RPS6KA4: variants seen among roughly 807,000 people sequenced by gnomAD.
RPS6KA4 encodes the protein ribosomal protein S6 kinase alpha-4.
A neutral mutation model predicts 89.6 loss-of-function variants in RPS6KA4; 38 were observed. That is an observed-to-expected ratio of 0.42 (90% confidence interval 0.33 to 0.56). The LOEUF (loss-of-function observed/expected upper bound fraction) is 0.56. Ranked by LOEUF, RPS6KA4 falls within the 20% of genes least tolerant of loss-of-function variation. The pLI is 0.07. For missense variants in RPS6KA4, 873 were observed against 1,098.8 expected (o/e 0.79, Z 2.90); for synonymous variants, 495 against 492.8 (o/e 1.00, Z -0.06).
In RPS6KA4 at chr11:64,361,853, C is replaced by G. The variant is rs376604355; in HGVS notation, c.757C>G (p.Arg253Gly). 1 of 1,611,600 alleles carries G rather than the reference C, an allele frequency of 6.2e-7. No individual in the cohort carries two copies. ...ERNTQAEVSR[R>G]ILKCSPPFPP... ...CTGACACCCCCCCAATCCTCCCAGA[C>G]GGATCCTGAAGTGCTCCCCTCCCTT... Residue 253 changes from arginine (R) to glycine (G), a missense_variant and splice_region_variant, in exon 8 of 17, where the codon CGG becomes GGG. Arg to Gly is a moderately radical substitution (Grantham distance 125, BLOSUM62 -2). Coordinates refer to ENST00000334205, the MANE Select transcript of RPS6KA4 (RefSeq NM_003942.3). The surrounding 1 kb of genome is among the most constrained non-coding windows in gnomAD (Gnocchi z 4.7).
At position 64,360,214 on chromosome 11, in the gene RPS6KA4, A is replaced by G; in HGVS notation, c.179A>G (p.Lys60Arg). 1 of 1,548,318 alleles carries G rather than the reference A, an allele frequency of 6.5e-7. No homozygotes were observed. The highest frequency in any genetic ancestry group is 8.7e-7 in the Non-Finnish European group (1 of 1,146,934). ...AAGGCGGGCGGGCACGACGCGGGGAAGCTGTACGCCATGAAGGTGCTGCGC... is the reference window on the plus strand; with the variant it reads ...AAGGCGGGCGGGCACGACGCGGGGAGGCTGTACGCCATGAAGGTGCTGCGC... ...VRKAGGHDAG[K>R]LYAMKVLRKA... The change falls in exon 3 of 17, where the codon AAG (lysine) becomes AGG (arginine). Residue 60 changes from lysine (K) to arginine (R), a missense_variant. Transcript: ENST00000334205.
In RPS6KA4 at chr11:64,369,917, G is replaced by A. The variant is rs748442770; in HGVS notation, c.1797+24G>A. The A allele has an allele frequency of 1.2e-5, 18 of 1,514,344 alleles. No individual in the cohort carries two copies. The African/African-American group carries it at 1.8e-4, about 15-fold the overall frequency. The allele number at this position is 1,514,344 out of a possible 1,614,324, so 93.8% of individuals were successfully genotyped here. On this transcript the variant is annotated intron_variant, in intron 14 of 16. Transcript: ENST00000334205. ...TGGTATGGGACGCGGTCCTTGAGGCGGGGTCAGGGTCGCTCGGACCTGGCG... is the reference window on the plus strand; with the variant it reads ...TGGTATGGGACGCGGTCCTTGAGGCAGGGTCAGGGTCGCTCGGACCTGGCG...
rs373556651 is a variant in RPS6KA4, at chr11:64,369,725, C to G, written c.1629C>G (p.Pro543=). 5.3e-5 allele frequency: 85 copies of G among 1,610,796 alleles called. No homozygotes were observed. The highest frequency in any genetic ancestry group is 4.3e-4 in the South Asian group (39 of 90,926). ...PENILYADDT[P]GAPVKIIDFG... is the part of the protein sequence containing the mutation. ...ACATCCTGTACGCCGACGACACGCC[C>G]GGGGCCCCGGTGAAAATCATCGACT... Residue 543 remains proline (P), a synonymous_variant, in exon 14 of 17, where the codon CCC becomes CCG. Transcript: ENST00000334205.
In RPS6KA4 at chr11:64,368,713, G is replaced by T. The variant is rs927032838; in HGVS notation, c.1344G>T (p.Ala448=). The T allele has an allele frequency of 3.2e-6, 5 of 1,577,804 alleles. No homozygotes were observed. Among genetic ancestry groups the T allele is most frequent in the Non-Finnish European group, 4.3e-6 (5 of 1,162,228 alleles). The change falls in exon 12 of 17, where the codon GCG becomes GCT. Residue 448 remains alanine, a synonymous_variant. Coordinates refer to ENST00000334205, the MANE Select transcript of RPS6KA4 (RefSeq NM_003942.3). ...AVKILSRRLE[A]NTQREVAALR... The stretch of plus-strand genomic sequence containing the variant: ...CTGCTCCGTCCCCCAGGCTGGAGGC[G>T]AACACGCAGCGCGAAGTGGCTGCCC...
intron 8 of RPS6KA4, among the ~76,000 whole-genome samples, chr11:64,364,019 C>T (rs993774168): frequency 6.6e-6 from 1 of 152,136 alleles, no homozygotes; most frequent in Non-Finnish European, 1.5e-5. Context: ...ATTATACTTA[C>T]TTATAAATAA....
Position 64,361,393 on chromosome 11 carries a change from T to TGGGGC in RPS6KA4, c.571-76_571-75insGGGGC. 1 of 1,551,634 alleles carries TGGGGC rather than the reference T, an allele frequency of 6.4e-7. No individual in the cohort carries two copies. Among genetic ancestry groups the TGGGGC allele is most frequent in the Non-Finnish European group, 8.9e-7 (1 of 1,127,716 alleles). The stretch of plus-strand genomic sequence containing the variant: ...TCTCCAACCTCACAAGTTGAGCGAG[T>TGGGGC]CTTACTCTGGGCCTTGTGGGGCACT... On this transcript the variant is annotated intron_variant, in intron 5 of 16. Coordinates refer to ENST00000334205, the MANE Select transcript of RPS6KA4 (RefSeq NM_003942.3). This position sits in a 1 kb window ranked among gnomAD's most constrained non-coding sequence, Gnocchi z 4.7.
chr11:64,364,789 G>C (rs1412258319), intron 8 of RPS6KA4, among the ~76,000 whole-genome samples: 1 of 150,320 alleles, frequency 6.7e-6, no homozygotes, highest in Non-Finnish European at 1.5e-5. Flanking sequence ...GCCCAGGCTG[G>C]AGTGCAGTGG....
Position 64,368,749 on chromosome 11 carries a change from C to T in RPS6KA4, c.1380C>T (p.Cys460=), listed in dbSNP as rs374758101. The T allele has an allele frequency of 2.5e-6, 4 of 1,574,036 alleles. No homozygotes were observed. The highest frequency in any genetic ancestry group is 1.8e-5 in the Admixed American group (1 of 54,530). ...TQREVAALRL[C]QSHPNVVNLH... is the part of the protein sequence containing the mutation. ...GCGAAGTGGCTGCCCTGCGCCTGTG[C>T]CAGTCACACCCCAACGTGGTGAATC... The change falls in exon 12 of 17, where the codon TGC becomes TGT. Residue 460 remains cysteine (C), a synonymous_variant. Coordinates refer to ENST00000334205, the MANE Select transcript of RPS6KA4 (RefSeq NM_003942.3).
chr11:64,369,043 G>A (rs1053626702), intron 12 of RPS6KA4, among the ~76,000 whole-genome samples: 1 of 152,214 alleles, frequency 6.6e-6, no homozygotes, highest in East Asian at 1.9e-4. Context: ...TGTGATCCCA[G>A]CACTTTGGGA....
Position 64,365,438 on chromosome 11 carries a change from C to T in RPS6KA4, c.1044C>T (p.Pro348=), listed in dbSNP as rs2036855991. 2 of 1,614,004 alleles carry T rather than the reference C, an allele frequency of 1.2e-6. No individual in the cohort carries two copies. Among genetic ancestry groups the T allele is most frequent in the South Asian group, 2.2e-5 (2 of 91,078 alleles). ...LEPVYSPPGS[P]PPGDPRIFQG... ...CTGTCTACTCACCCCCTGGCAGCCC[C>T]CCACCTGGGGACCCCCGAATCTTTC... The change falls in exon 9 of 17, where the codon CCC becomes CCT. Residue 348 remains proline, a synonymous_variant. Coordinates refer to ENST00000334205, the MANE Select transcript of RPS6KA4 (RefSeq NM_003942.3).
At chr11:64,359,345 C>A in intron 1 of RPS6KA4, 33 bp from the exon 2 acceptor site, 1 of 1,610,734 alleles carries the variant, frequency 6.2e-7, no homozygotes, top group Non-Finnish European at 8.5e-7. Flanking sequence ...GGGTCATGGA[C>A]CGGCTGGGCT....
At chr11:64,362,329 G>T (rs1332568429) in intron 8 of RPS6KA4, among the ~76,000 whole-genome samples, 1 of 152,260 alleles carries the variant, frequency 6.6e-6, no homozygotes, top group Non-Finnish European at 1.5e-5. Flanking sequence ...GTTGGGAATA[G>T]ACCTTGGGTC....
intron 8 of RPS6KA4, 79 bp from the exon 9 acceptor site, chr11:64,365,222 G>A: frequency 6.6e-7 from 1 of 1,522,566 alleles, no homozygotes; most frequent in Admixed American, 1.8e-5. Context: ...TGGAGGAACT[G>A]CCCAGTGAGG....
Position 64,361,170 on chromosome 11 carries a change from G to A in RPS6KA4, c.499G>A (p.Val167Met). 1 of 1,613,446 alleles carries A rather than the reference G, an allele frequency of 6.2e-7. No individual in the cohort carries two copies. The highest frequency in any genetic ancestry group is 8.5e-7 in the Non-Finnish European group (1 of 1,179,974). Reference sequence around the variant, plus strand: ...TTACCGAGACCTGAAACTGGAGAATGTGCTGCTGGACTCCGAGGGCCACAT... The same window carrying A: ...TTACCGAGACCTGAAACTGGAGAATATGCTGCTGGACTCCGAGGGCCACAT... ...IIYRDLKLENVLLDSEGHIVL... is the reference protein window; with the variant it reads ...IIYRDLKLENMLLDSEGHIVL... The change falls in exon 5 of 17, where the codon GTG becomes ATG. Residue 167 changes from valine to methionine, a missense_variant. Val to Met is a conservative substitution (Grantham distance 21). This residue lies in a region of RPS6KA4 where 542 missense variants were observed against 736.4 expected (regional missense o/e 0.74). Transcript: ENST00000334205. This position sits in a 1 kb window ranked among gnomAD's most constrained non-coding sequence, Gnocchi z 4.7.
chr11:64,360,951 G>T (rs516124), intron 4 of RPS6KA4, 183 bp from the exon 5 acceptor site: 195,225 of 575,900 alleles, frequency 0.34, 35,767 homozygotes, highest in Non-Finnish European at 0.38. Context: ...GATCCACGGG[G>T]CCCTCCTTCT....
Position 64,369,572 on chromosome 11 carries a change from T to C in RPS6KA4, c.1555T>C (p.Phe519Leu). ...ILRSLVSAVS[F>L]MHEEAGVVHR... Reference sequence around the variant, plus strand: ...GCGCAGCCTCGTGTCGGCCGTGAGCTTCATGCACGAGGAGGCGGGCGTGGT... The same window carrying C: ...GCGCAGCCTCGTGTCGGCCGTGAGCCTCATGCACGAGGAGGCGGGCGTGGT... The change falls in exon 13 of 17, where the codon TTC becomes CTC. Residue 519 changes from phenylalanine to leucine, a missense_variant. Phe to Leu is a conservative substitution (Grantham distance 22, BLOSUM62 0). Transcript: ENST00000334205. 2 of 1,606,872 alleles carry C rather than the reference T, an allele frequency of 1.2e-6. No individual in the cohort carries two copies. Among genetic ancestry groups the C allele is most frequent in the Non-Finnish European group, 1.7e-6 (2 of 1,177,242 alleles).
Position 64,369,904 on chromosome 11 carries a change from C to A in RPS6KA4, c.1797+11C>A, listed in dbSNP as rs779371956. On this transcript the variant is annotated intron_variant, in intron 14 of 16. Coordinates refer to ENST00000334205, the MANE Select transcript of RPS6KA4 (RefSeq NM_003942.3). ...CTGGGCGTCATTCTGGTATGGGACG[C>A]GGTCCTTGAGGCGGGGTCAGGGTCG... 5 of 1,524,256 alleles carry A rather than the reference C, an allele frequency of 3.3e-6. No individual in the cohort carries two copies. The highest frequency in any genetic ancestry group is 1.2e-5 in the South Asian group (1 of 82,574). 94.4% of individuals were successfully genotyped at this position (1,524,256 alleles called of 1,614,324 possible). A position where few individuals can be genotyped will look rare whatever the true frequency, so the allele number is the denominator to read the frequency against.
chr11:64,360,565 C>G lies in RPS6KA4; in HGVS notation c.435C>G (p.Ile145Met). The change falls in exon 4 of 17, where the codon ATC becomes ATG. Residue 145 changes from isoleucine to methionine, a missense_variant. Physicochemically the swap from Ile to Met is conservative, Grantham distance 10. Coordinates refer to ENST00000334205, the MANE Select transcript of RPS6KA4 (RefSeq NM_003942.3). ...EAEVRVYGGE[I>M]VLALEHLHKL... Reference sequence around the variant, plus strand: ...AGGTGCGCGTGTATGGGGGTGAGATCGTGCTGGCCCTGGAACACCTGCACA... The same window carrying G: ...AGGTGCGCGTGTATGGGGGTGAGATGGTGCTGGCCCTGGAACACCTGCACA... 1 of 1,610,666 alleles carries G rather than the reference C, an allele frequency of 6.2e-7. No homozygotes were observed. Among genetic ancestry groups the G allele is most frequent in the Non-Finnish European group, 8.5e-7 (1 of 1,178,588 alleles).
At chr11:64,359,511 T>A in intron 2 of RPS6KA4, 62 bp downstream of exon 2, 1 of 1,565,452 alleles carries the variant, frequency 6.4e-7, no homozygotes, top group Non-Finnish European at 8.7e-7. Flanking sequence ...TCCTGCCTGC[T>A]CACTCTTGGG....
Sources: allele counts gnomAD v4.1 joint callset (sites outside exome capture counted in the v4.1 genomes callset), GRCh38; gene constraint gnomAD v4.1.1; regional missense constraint gnomAD v4.1.1; non-coding constraint Gnocchi (gnomAD v3.1); transcripts MANE v1.5; gene names NCBI Gene and HGNC (gene_info 2026-07-23, HGNC 2026-07-21).